Variants in AGBL4 observed in about 807,000 individuals in gnomAD.
The protein encoded by AGBL4 is AGBL carboxypeptidase 4, also known as cytosolic carboxypeptidase 6.
In AGBL4, 58 loss-of-function variants were observed where a neutral mutation model predicts 66.4. The ratio of observed to expected loss-of-function variants is 0.87; its 90% CI spans 0.71 to 1.09. AGBL4 has a LOEUF of 1.09. AGBL4 is among the 50% of genes least tolerant of loss of function. The pLI, the probability that AGBL4 is intolerant of heterozygous loss-of-function variation, is 0.00. For missense variants in AGBL4, 579 were observed against 631.0 expected (o/e 0.92, Z 0.88); for synonymous variants, 234 against 222.9 (o/e 1.05, Z -0.44).
intron 1 of AGBL4, among the ~76,000 whole-genome samples, chr1:49,880,480 G>A (rs200562292): frequency 6.6e-5 from 10 of 152,168 alleles, no homozygotes; most frequent in East Asian, 1.9e-4. Flanking sequence ...CTTGGGGGTC[G>A]GGGTCAGGGA....
intron 2 of AGBL4, among the ~76,000 whole-genome samples, chr1:49,730,686 G>T (rs1437547625): frequency 6.6e-6 from 1 of 152,124 alleles, no homozygotes; most frequent in Non-Finnish European, 1.5e-5. Flanking sequence ...CCTGGGCGAA[G>T]CACAGAGCCA....
intron 1 of AGBL4, among the ~76,000 whole-genome samples, chr1:49,873,327 C>T (rs1032804057): frequency 1.3e-5 from 2 of 151,906 alleles, no homozygotes; most frequent in Non-Finnish European, 2.9e-5. Context: ...AGAGATCAGA[C>T]AAAATCTGAT....
intron 2 of AGBL4, among the ~76,000 whole-genome samples, chr1:49,728,174 C>T (rs962921267): frequency 6.6e-6 from 1 of 152,208 alleles, no homozygotes. Context: ...TTGCTTCCCA[C>T]GTTGTTAAAA....
intron 2 of AGBL4, among the ~76,000 whole-genome samples, chr1:49,785,893 A>AAAAAT (rs1407219283): frequency 2.1e-5 from 3 of 140,916 alleles, no homozygotes; most frequent in African/African-American, 5.2e-5. Flanking sequence ...GGAAAAAAAA[A>AAAAAT]ATATATATAT....
chr1:48,720,656 TA>T (rs751467543), intron 6 of AGBL4, among the ~76,000 whole-genome samples: 16 of 152,200 alleles, frequency 1.1e-4, no homozygotes, highest in Non-Finnish European at 2.1e-4. Flanking sequence ...ATTAGTTAAT[TA>T]AAAAACATCA....
intron 1 of AGBL4, among the ~76,000 whole-genome samples, chr1:49,875,836 A>G (rs1646986417): frequency 6.9e-6 from 1 of 144,018 alleles, no homozygotes; most frequent in African/African-American, 2.6e-5. Context: ...CTGACTTTTT[A>G]ATGATTGCCA....
At chr1:50,000,773 C>T (rs758129262) in intron 1 of AGBL4, among the ~76,000 whole-genome samples, 37 of 152,080 alleles carry the variant, frequency 2.4e-4, no homozygotes, top group Non-Finnish European at 4.4e-4. Flanking sequence ...TCACAGCAAC[C>T]TGGACAAAAT....
intron 1 of AGBL4, among the ~76,000 whole-genome samples, chr1:49,889,018 A>C (rs1648361521): frequency 6.6e-6 from 1 of 152,246 alleles, no homozygotes; most frequent in Non-Finnish European, 1.5e-5. Flanking sequence ...GAAACAATTA[A>C]ATTGTTCACA....
At chr1:49,801,437 G>C (rs1488556336) in intron 2 of AGBL4, among the ~76,000 whole-genome samples, 1 of 152,144 alleles carries the variant, frequency 6.6e-6, no homozygotes, top group Non-Finnish European at 1.5e-5. Context: ...CTGGTCCACA[G>C]AAACTGTGAT....
intron 1 of AGBL4, among the ~76,000 whole-genome samples, chr1:49,915,417 A>G (rs1001756635): frequency 1.3e-5 from 2 of 152,106 alleles, no homozygotes; most frequent in African/African-American, 2.4e-5. Context: ...GTCTTAACAA[A>G]CGGCACACCA....
intron 3 of AGBL4, among the ~76,000 whole-genome samples, chr1:49,492,000 T>C (rs546094407): frequency 3.3e-5 from 5 of 152,038 alleles, no homozygotes; most frequent in South Asian, 4.1e-4. Flanking sequence ...ATAATTATAA[T>C]AAACTGTAAT....
intron 1 of AGBL4, among the ~76,000 whole-genome samples, chr1:49,880,054 A>G (rs1164878117): frequency 6.6e-6 from 1 of 151,324 alleles, no homozygotes; most frequent in Non-Finnish European, 1.5e-5. Context: ...TTCTAGTTAT[A>G]CATTCCTCTA....
At chr1:49,100,077 A>T (rs1645173608) in intron 4 of AGBL4, among the ~76,000 whole-genome samples, 1 of 152,154 alleles carries the variant, frequency 6.6e-6, no homozygotes, top group African/African-American at 2.4e-5. Flanking sequence ...CATGAAGCAA[A>T]AACTGAAGAG....
At chr1:48,642,899 G>A (rs1165171314) in intron 8 of AGBL4, among the ~76,000 whole-genome samples, 3 of 152,182 alleles carry the variant, frequency 2.0e-5, no homozygotes, top group Non-Finnish European at 4.4e-5. Context: ...ATGGCTCTGA[G>A]TCAAGTGTGG....
At chr1:49,629,220 G>A (rs752043150) in intron 3 of AGBL4, among the ~76,000 whole-genome samples, 31 of 152,278 alleles carry the variant, frequency 2.0e-4, no homozygotes, top group African/African-American at 6.7e-4. Flanking sequence ...TAGCTGTGAC[G>A]GAGATAGCAT....
intron 4 of AGBL4, among the ~76,000 whole-genome samples, chr1:49,149,862 A>G (rs1242040056): frequency 1.3e-5 from 2 of 152,212 alleles, no homozygotes; most frequent in Non-Finnish European, 2.9e-5. Flanking sequence ...TGTGGGAGAT[A>G]TAAAATTGTC....
At chr1:49,162,471 T>C (rs1646558550) in intron 4 of AGBL4, among the ~76,000 whole-genome samples, 1 of 152,218 alleles carries the variant, frequency 6.6e-6, no homozygotes, top group Non-Finnish European at 1.5e-5. Flanking sequence ...ATGTGTTATA[T>C]TTGCTAAGAA....
At chr1:48,667,119 G>A (rs890795120) in intron 6 of AGBL4, among the ~76,000 whole-genome samples, 7 of 152,192 alleles carry the variant, frequency 4.6e-5, no homozygotes, top group East Asian at 3.9e-4. Flanking sequence ...AAAAAACATC[G>A]ACAAATTCTT....
chr1:49,793,929 G>A (rs572509303), intron 2 of AGBL4, among the ~76,000 whole-genome samples: 2 of 151,990 alleles, frequency 1.3e-5, no homozygotes, highest in South Asian at 4.1e-4. Context: ...CAAAAAAGAA[G>A]ACTGATTCAA....
Sources: gnomAD v4.1 joint callset for allele counts (sites outside exome capture counted in the v4.1 genomes callset) on GRCh38, gnomAD v4.1.1 for gene constraint, MANE v1.5 for transcripts, NCBI Gene and HGNC (gene_info 2026-07-23, HGNC 2026-07-21) for gene names.